CDC42BPB: variants seen among roughly 807,000 people sequenced by gnomAD.
The protein encoded by CDC42BPB is serine/threonine-protein kinase MRCK beta.
CDC42BPB carries 37 observed loss-of-function variants against 214.9 expected under a neutral mutation model. That is an observed-to-expected ratio of 0.17 (90% CI 0.13 to 0.23). The LOEUF is 0.23. CDC42BPB is among the 10% of genes least tolerant of loss of function. The pLI is 1.00. For synonymous variants in CDC42BPB, 931 were observed against 884.0 expected, an observed-to-expected ratio of 1.05 and a Z score of -0.94; for missense variants, 1,694 against 2,227.0, an observed-to-expected ratio of 0.76 and a Z score of 4.82.
intron 4 of CDC42BPB, 82 bp downstream of exon 4, chr14:103,003,846 G>T: frequency 8.8e-7 from 1 of 1,138,768 alleles, no homozygotes; most frequent in African/African-American, 1.5e-5. Context: ...GTTCCACATT[G>T]TCTGACTGAA....
intron 1 of CDC42BPB, among the ~76,000 whole-genome samples, chr14:103,027,505 T>C (rs1220544752): frequency 2.0e-5 from 3 of 152,226 alleles, no homozygotes. Context: ...AAACAGAATG[T>C]GGTCTACCTA....
At chr14:103,010,101 C>T (rs2269326) in intron 2 of CDC42BPB, among the ~76,000 whole-genome samples, 5,198 of 152,224 alleles carry the variant, frequency 0.034, 303 homozygotes, top group Admixed American at 0.14. Context: ...GTCTGGGCAA[C>T]ATAGTGACAC....
In CDC42BPB at chr14:102,933,595, C is replaced by G; in HGVS notation, c.*117G>C. 1 of 800,592 alleles carries G rather than the reference C, an allele frequency of 1.2e-6. No individual in the cohort carries two copies. The highest frequency in any genetic ancestry group is 1.8e-6 in the Non-Finnish European group (1 of 558,804). 49.6% of individuals were successfully genotyped at this position (800,592 alleles called of 1,614,324 possible). A position where few individuals can be genotyped will look rare whatever the true frequency, so the allele number is the denominator to read the frequency against. Reference sequence around the variant, plus strand: ...TAATAAAGATTTGTCTTCTTCATCTCCATATCTACAAAGTGATTCTACATT... The same window carrying G: ...TAATAAAGATTTGTCTTCTTCATCTGCATATCTACAAAGTGATTCTACATT... On this transcript the variant is annotated 3_prime_UTR_variant, in exon 37 of 37. Coordinates refer to ENST00000361246, the MANE Select transcript of CDC42BPB (RefSeq NM_006035.4).
rs1353620660 is a variant in CDC42BPB, at chr14:102,933,811, T to C, written c.5037A>G (p.Pro1679=). The C allele has an allele frequency of 4.6e-6, 7 of 1,515,086 alleles. No homozygotes were observed. The highest frequency in any genetic ancestry group is 5.1e-5 in the Admixed American group (2 of 39,070). 93.9% of individuals were successfully genotyped at this position (1,515,086 alleles called of 1,614,324 possible). ...GGCCGCTGGGGTTGGAGCTATTCGA[T>C]GGAGTTGAGTGTTTGGTGGAGTCCG... ...PDSDSTKHST[P]SNSSNPSGPP... Residue 1679 remains proline, a synonymous_variant, in exon 37 of 37, where the codon CCA becomes CCG. Transcript: ENST00000361246.
At chr14:103,045,565 A>C (rs887878880) in intron 1 of CDC42BPB, among the ~76,000 whole-genome samples, 7 of 152,122 alleles carry the variant, frequency 4.6e-5, no homozygotes, top group Admixed American at 6.6e-5. Context: ...CTGCTTCTTC[A>C]CATTCTCATA....
intron 11 of CDC42BPB, among the ~76,000 whole-genome samples, chr14:102,974,997 T>G (rs1477053163): frequency 3.3e-5 from 5 of 152,072 alleles, no homozygotes; most frequent in Non-Finnish European, 7.4e-5. Flanking sequence ...TTAGGGAACT[T>G]TGATAACCTA....
intron 18 of CDC42BPB, among the ~76,000 whole-genome samples, chr14:102,965,190 C>T (rs1893143779): frequency 6.6e-6 from 1 of 151,984 alleles, no homozygotes; most frequent in Non-Finnish European, 1.5e-5. Flanking sequence ...CCTTGGCCTC[C>T]CAAAGTGCTG....
At chr14:102,992,043 C>T (rs1415899241) in intron 5 of CDC42BPB, among the ~76,000 whole-genome samples, 1 of 151,980 alleles carries the variant, frequency 6.6e-6, no homozygotes, top group African/African-American at 2.4e-5. Context: ...CTGGGGCTAC[C>T]GTATTGAGCA....
intron 30 of CDC42BPB, 113 bp from the exon 31 acceptor site, chr14:102,940,437 C>G: frequency 6.6e-7 from 1 of 1,508,366 alleles, no homozygotes; most frequent in Non-Finnish European, 8.9e-7. Context: ...GCAGCACTGC[C>G]CTCAGCTGGT....
intron 36 of CDC42BPB, among the ~76,000 whole-genome samples, chr14:102,937,423 C>T (rs947914684): frequency 2.6e-5 from 4 of 152,262 alleles, no homozygotes; most frequent in Non-Finnish European, 5.9e-5. Context: ...CCCGTCCGTT[C>T]GGCAGCTGAT....
At position 103,052,919 on chromosome 14, in the gene CDC42BPB, T is replaced by C. The variant is rs755866645; in HGVS notation, c.175+4080A>G. Among the ~76,000 whole-genome samples, 157 of 152,370 alleles carry C rather than the reference T, an allele frequency of 1.0e-3. 1 individual carries two copies. Among genetic ancestry groups the C allele is most frequent in the Middle Eastern group, 3.4e-3 (1 of 294 alleles). On this transcript the variant is annotated intron_variant, in intron 1 of 36. Coordinates refer to ENST00000361246, the MANE Select transcript of CDC42BPB (RefSeq NM_006035.4). ...TTTAACACATAAGACAGTATTTGTA[T>C]ATGACAAAGATGAAAGACAACAAAT...
chr14:103,047,151 G>A (rs969589990), intron 1 of CDC42BPB, among the ~76,000 whole-genome samples: 5 of 149,078 alleles, frequency 3.4e-5, no homozygotes, highest in Non-Finnish European at 5.9e-5. Context: ...GGGCTTGGTG[G>A]TGGACGCCTG....
rs141924737 is a variant in CDC42BPB, at chr14:102,945,687, G to A, written c.3786C>T (p.Leu1262=). The change falls in exon 29 of 37, where the codon CTC becomes CTT. Residue 1262 remains leucine, a synonymous_variant. Transcript: ENST00000361246. ...DRIAVGLEEG[L]YVIEVTRDVI... ...CATCTCGGGTGACCTCTATGACATA[G>A]AGCCCTTCTTCTAGGCCGACTGCAA... 1 of 1,612,964 alleles carries A rather than the reference G, an allele frequency of 6.2e-7. No individual in the cohort carries two copies. The highest frequency in any genetic ancestry group is 8.5e-7 in the Non-Finnish European group (1 of 1,179,910).
At chr14:103,051,333 GA>G (rs1389843425) in intron 1 of CDC42BPB, among the ~76,000 whole-genome samples, 1 of 143,552 alleles carries the variant, frequency 7.0e-6, no homozygotes, top group Non-Finnish European at 1.5e-5. Context: ...AAGAATCTAA[GA>G]AAAAAACAAA....
chr14:103,035,690 A>C (rs1887623851), intron 1 of CDC42BPB, among the ~76,000 whole-genome samples: 1 of 152,032 alleles, frequency 6.6e-6, no homozygotes, highest in African/African-American at 2.4e-5. Context: ...AATACAAAAA[A>C]CTAGCTGGAT....
Position 102,967,095 on chromosome 14 carries a change from T to C in CDC42BPB, c.2422A>G (p.Lys808Glu), listed in dbSNP as rs764583553. ...GCTTCCCAGTGGGCCACTGACTCCT[T>C]CTTGGCTGCCAGATCCTGCAGCTCA... ...EDELQDLAAKKESVAHWEAQI... is the reference protein window; with the variant it reads ...EDELQDLAAKEESVAHWEAQI... The change falls in exon 17 of 37, where the codon AAG becomes GAG. Residue 808 changes from lysine to glutamate, a missense_variant. Physicochemically the swap from Lys to Glu is moderately conservative, Grantham distance 56. Transcript: ENST00000361246. 1 of 1,614,220 alleles carries C rather than the reference T, an allele frequency of 6.2e-7. No individual in the cohort carries two copies. Among genetic ancestry groups the C allele is most frequent in the African/African-American group, 1.3e-5 (1 of 75,066 alleles).
In CDC42BPB at chr14:102,961,277, T is replaced by C. The variant is rs149213592; in HGVS notation, c.2822-1567A>G. ...GGAGTTAGGTGTATTTTCCTATTTATGACTCAAAAAAGGAAGAAGACTGAA... is the reference window on the plus strand; with the variant it reads ...GGAGTTAGGTGTATTTTCCTATTTACGACTCAAAAAAGGAAGAAGACTGAA... On this transcript the variant is annotated intron_variant, in intron 20 of 36. Transcript: ENST00000361246. Among the ~76,000 whole-genome samples the C allele has an allele frequency of 2.2e-3, 334 of 151,730 alleles. 2 individuals are homozygous for C. The highest frequency in any genetic ancestry group is 7.9e-3 in the African/African-American group (325 of 41,378).
intron 9 of CDC42BPB, 144 bp from the exon 10 acceptor site, chr14:102,976,193 C>A: frequency 2.1e-6 from 3 of 1,439,080 alleles, no homozygotes; most frequent in Non-Finnish European, 2.7e-6. Context: ...TTTATGGAAC[C>A]AAAGTTAGAC....
chr14:102,975,542 A>C, intron 11 of CDC42BPB, 142 bp downstream of exon 11: 1 of 923,484 alleles, frequency 1.1e-6, no homozygotes, highest in Non-Finnish European at 1.6e-6. Context: ...CAACTGACCA[A>C]AATTTGAGAA....
Sources: allele counts gnomAD v4.1 joint callset (sites outside exome capture counted in the v4.1 genomes callset), GRCh38; gene constraint gnomAD v4.1.1; transcripts MANE v1.5; gene names NCBI Gene and HGNC (gene_info 2026-07-23, HGNC 2026-07-21).